The following GAS2 variants were observed in gnomAD, a reference collection of about 807,000 sequenced individuals.
GAS2 encodes the protein growth arrest specific 2.
In GAS2, 20 loss-of-function variants were observed where a neutral mutation model predicts 37.5. The ratio of observed to expected loss-of-function variants is 0.53; its 90% CI spans 0.37 to 0.77. The LOEUF (loss-of-function observed/expected upper bound fraction) is 0.77, where lower values mean the gene tolerates loss of function less well. Among genes scored for constraint, GAS2 ranks in the 30% least tolerant of loss-of-function variants. The pLI, the probability that GAS2 is intolerant of heterozygous loss-of-function variation, is 0.00. For missense variants in GAS2, 336 were observed against 373.4 expected (o/e 0.90, Z 0.82); for synonymous variants, 144 against 132.2 (o/e 1.09, Z -0.61).
Position 22,766,955 on chromosome 11 carries a change from CAT to C in GAS2, c.723+11005_723+11006del, listed in dbSNP as rs1330443324. On this transcript the variant is annotated intron_variant, in intron 7 of 7. Coordinates refer to ENST00000454584, the MANE Select transcript of GAS2 (RefSeq NM_001143830.3). ...CTTTTATTAAAGGGTCTAAACTAAA[CAT>C]ATGACCAAGTGCAAACTGAAAACGT... 5.3e-5 allele frequency among the ~76,000 whole-genome samples: 8 copies of C among 152,258 alleles called. No homozygotes were observed. The South Asian group carries it at 1.7e-3, about 32-fold the overall frequency.
intron 6 of GAS2, among the ~76,000 whole-genome samples, chr11:22,755,432 A>G (rs1180165679): frequency 3.3e-5 from 5 of 152,156 alleles, no homozygotes; most frequent in Non-Finnish European, 7.4e-5. Context: ...TAATATGATT[A>G]AAATTATACT....
intron 4 of GAS2, among the ~76,000 whole-genome samples, chr11:22,731,619 T>C (rs1852481734): frequency 6.6e-6 from 1 of 151,802 alleles, no homozygotes; most frequent in Non-Finnish European, 1.5e-5. Context: ...GGTTTGTGTG[T>C]GGATTTTTAA....
At chr11:22,803,695 A>G (rs1672967370) in intron 7 of GAS2, among the ~76,000 whole-genome samples, 1 of 152,130 alleles carries the variant, frequency 6.6e-6, no homozygotes, top group South Asian at 2.1e-4. Context: ...GAAGTATCAA[A>G]TGAAAAGAAG....
rs1480439152 is a variant in GAS2, at chr11:22,696,685, G to A, written c.267+10896G>A. Reference sequence around the variant, plus strand: ...TTGTGGTTTTGATTTGCATTTCTCTGATGGCCAGTGATGATGAGCATTTTT... The same window carrying A: ...TTGTGGTTTTGATTTGCATTTCTCTAATGGCCAGTGATGATGAGCATTTTT... On this transcript the variant is annotated intron_variant, in intron 3 of 7. Coordinates refer to ENST00000454584, the MANE Select transcript of GAS2 (RefSeq NM_001143830.3). 1.5e-4 allele frequency among the ~76,000 whole-genome samples: 23 copies of A among 150,608 alleles called. No homozygotes were observed. In the East Asian group the frequency reaches 4.5e-3, roughly 30 times the overall value.
chr11:22,630,092 C>T (rs949756144), intron 1 of GAS2, among the ~76,000 whole-genome samples: 3 of 152,038 alleles, frequency 2.0e-5, no homozygotes, highest in African/African-American at 7.2e-5. Flanking sequence ...TACATGTGCA[C>T]AATGTGCAGG....
At chr11:22,808,324 T>C (rs1856991729) in intron 7 of GAS2, among the ~76,000 whole-genome samples, 1 of 152,220 alleles carries the variant, frequency 6.6e-6, no homozygotes, top group African/African-American at 2.4e-5. Context: ...CCTAGATACA[T>C]TGTAAAAGTA....
At chr11:22,687,371 G>A (rs892619423) in intron 3 of GAS2, among the ~76,000 whole-genome samples, 8 of 152,098 alleles carry the variant, frequency 5.3e-5, no homozygotes, top group African/African-American at 1.7e-4. Flanking sequence ...TCGATCCCAT[G>A]CCTGAACATT....
chr11:22,797,157 T>TAA (rs949580104), intron 7 of GAS2, among the ~76,000 whole-genome samples: 3 of 152,040 alleles, frequency 2.0e-5, no homozygotes, highest in African/African-American at 7.2e-5. Context: ...AGCCCTTACA[T>TAA]AACAACGAGA....
At chr11:22,692,508 C>T (rs1850295361) in intron 3 of GAS2, among the ~76,000 whole-genome samples, 2 of 152,098 alleles carry the variant, frequency 1.3e-5, no homozygotes, top group Admixed American at 1.3e-4. Context: ...CAACTTGAGG[C>T]AAAGGCAGGA....
intron 2 of GAS2, among the ~76,000 whole-genome samples, chr11:22,681,572 CT>C (rs1849685971): frequency 6.6e-6 from 1 of 152,112 alleles, no homozygotes; most frequent in Non-Finnish European, 1.5e-5. Flanking sequence ...ATTTATTGTT[CT>C]TTCTTTCCCT....
chr11:22,656,576 G>A (rs1471139959), intron 1 of GAS2, among the ~76,000 whole-genome samples: 3 of 152,126 alleles, frequency 2.0e-5, no homozygotes, highest in African/African-American at 7.2e-5. Context: ...AAAGCATCTA[G>A]AAGTAAACAG....
At chr11:22,630,844 A>G (rs1182177820) in intron 1 of GAS2, among the ~76,000 whole-genome samples, 1 of 152,128 alleles carries the variant, frequency 6.6e-6, no homozygotes, top group African/African-American at 2.4e-5. Context: ...TTGGTTCCAT[A>G]TGAATTTTAT....
At chr11:22,744,073 C>T (rs1853243452) in intron 5 of GAS2, among the ~76,000 whole-genome samples, 1 of 152,030 alleles carries the variant, frequency 6.6e-6, no homozygotes, top group Admixed American at 6.6e-5. Context: ...CATACAACCT[C>T]AAAAGATTGG....
chr11:22,646,546 C>G (rs1229598764), intron 1 of GAS2, among the ~76,000 whole-genome samples: 1 of 152,136 alleles, frequency 6.6e-6, no homozygotes, highest in Non-Finnish European at 1.5e-5. Context: ...CTGTGATACC[C>G]AGATGACAGG....
chr11:22,722,173 G>A (rs185080478), intron 3 of GAS2, among the ~76,000 whole-genome samples: 311 of 152,004 alleles, frequency 2.0e-3, no homozygotes, highest in African/African-American at 6.7e-3. Context: ...ACAGCCTTTA[G>A]AGGAAAATTT....
chr11:22,729,991 A>G (rs572733339), intron 4 of GAS2, among the ~76,000 whole-genome samples: 81 of 151,918 alleles, frequency 5.3e-4, no homozygotes, highest in Non-Finnish European at 7.1e-4. Flanking sequence ...GATAGGAACC[A>G]GAATGTCTAC....
intron 3 of GAS2, among the ~76,000 whole-genome samples, chr11:22,711,276 G>A (rs973691706): frequency 2.0e-5 from 3 of 152,160 alleles, no homozygotes; most frequent in Non-Finnish European, 2.9e-5. Context: ...CCAAATGAAA[G>A]ATACAAGTAG....
At chr11:22,644,282 C>T (rs183402142) in intron 1 of GAS2, among the ~76,000 whole-genome samples, 2 of 152,138 alleles carry the variant, frequency 1.3e-5, no homozygotes, top group Admixed American at 6.5e-5. Flanking sequence ...GCATTTTCCC[C>T]AGAGCTCCCT....
At chr11:22,785,897 T>C (rs1186056785) in intron 7 of GAS2, among the ~76,000 whole-genome samples, 11 of 152,150 alleles carry the variant, frequency 7.2e-5, no homozygotes, top group Admixed American at 7.2e-4. Flanking sequence ...ATTCAGAAAT[T>C]ACCTTCATGA....
Sources: allele counts gnomAD v4.1 joint callset (sites outside exome capture counted in the v4.1 genomes callset), GRCh38; gene constraint gnomAD v4.1.1; transcripts MANE v1.5; gene names NCBI Gene and HGNC (gene_info 2026-07-23, HGNC 2026-07-21).